The following BABAM2 variants were observed in gnomAD, a reference collection of about 807,000 sequenced individuals.
BABAM2 encodes the protein BRISC and BRCA1 A complex member 2.
A neutral mutation model predicts 54.7 loss-of-function variants in BABAM2; 31 were observed. The ratio of observed to expected loss-of-function variants is 0.57; its 90% CI spans 0.43 to 0.77. The LOEUF is 0.77. Among genes scored for constraint, BABAM2 ranks in the 30% least tolerant of loss-of-function variants. The probability of loss-of-function intolerance (pLI) is 0.00; values close to 1 mark genes in which losing one functional copy is unlikely to be tolerated. For missense variants in BABAM2, 364 were observed against 455.8 expected (o/e 0.80, Z 1.83); for synonymous variants, 167 against 162.9 (o/e 1.03, Z -0.19).
At chr2:28,163,871 C>T (rs909897338) in intron 7 of BABAM2, among the ~76,000 whole-genome samples, 1 of 152,218 alleles carries the variant, frequency 6.6e-6, no homozygotes, top group Non-Finnish European at 1.5e-5. Context: ...GTGTTTTCCT[C>T]AGGGCACTGC....
intron 6 of BABAM2, among the ~76,000 whole-genome samples, chr2:28,069,570 C>T (rs777582627): frequency 2.0e-5 from 3 of 152,156 alleles, no homozygotes; most frequent in Non-Finnish European, 4.4e-5. Flanking sequence ...GCCCTGCTAC[C>T]ATGAGAATTG....
intron 3 of BABAM2, among the ~76,000 whole-genome samples, chr2:27,938,607 G>C (rs1668654294): frequency 6.6e-6 from 1 of 151,876 alleles, no homozygotes. Flanking sequence ...GGCCAGGCTG[G>C]TCTCGAACTC....
At chr2:28,252,478 C>A (rs1683592933) in intron 10 of BABAM2, among the ~76,000 whole-genome samples, 1 of 152,142 alleles carries the variant, frequency 6.6e-6, no homozygotes, top group Non-Finnish European at 1.5e-5. Flanking sequence ...CACCCTTCGC[C>A]CGGTTTACAG....
chr2:28,264,595 C>T (rs533954484), intron 10 of BABAM2, among the ~76,000 whole-genome samples: 1 of 152,328 alleles, frequency 6.6e-6, no homozygotes, highest in East Asian at 1.9e-4. Flanking sequence ...ACCGTCAGTT[C>T]ATACTGTTCC....
intron 7 of BABAM2, among the ~76,000 whole-genome samples, chr2:28,173,150 G>A (rs2147856210): frequency 6.6e-6 from 1 of 152,248 alleles, no homozygotes; most frequent in East Asian, 1.9e-4. Context: ...CTGAGGATTA[G>A]GATTTTAACA....
At chr2:28,215,398 T>C (rs980517588) in intron 7 of BABAM2, among the ~76,000 whole-genome samples, 1 of 152,200 alleles carries the variant, frequency 6.6e-6, no homozygotes, top group East Asian at 1.9e-4. Context: ...TTCATACTTA[T>C]GGGCATTTAA....
At chr2:28,152,250 C>A (rs1672123532) in intron 7 of BABAM2, among the ~76,000 whole-genome samples, 1 of 152,204 alleles carries the variant, frequency 6.6e-6, no homozygotes, top group African/African-American at 2.4e-5. Context: ...TTGACCACAG[C>A]CCCTCTGCCC....
chr2:28,057,375 C>G (rs137996745), intron 6 of BABAM2, among the ~76,000 whole-genome samples: 1 of 152,150 alleles, frequency 6.6e-6, no homozygotes, highest in East Asian at 1.9e-4. Flanking sequence ...GCCCTATTTT[C>G]TTCAGTCCGT....
At chr2:28,171,086 A>C (rs1674268044) in intron 7 of BABAM2, among the ~76,000 whole-genome samples, 1 of 149,990 alleles carries the variant, frequency 6.7e-6, no homozygotes. Context: ...CATGCTGTAC[A>C]TACTACGTTG....
rs138951058 is a variant in BABAM2, at chr2:28,320,057, G to A, written c.1089-18393G>A. On this transcript the variant is annotated intron_variant, in intron 11 of 11. Coordinates refer to ENST00000379624, the MANE Select transcript of BABAM2 (RefSeq NM_199191.3). Reference sequence around the variant, plus strand: ...GTGCTGCAGTGTTGTGGTCAGATCCGATTTCCACCACTCAATTCATGCTGG... The same window carrying A: ...GTGCTGCAGTGTTGTGGTCAGATCCAATTTCCACCACTCAATTCATGCTGG... Among the ~76,000 whole-genome samples the A allele has an allele frequency of 6.0e-4, 91 of 152,254 alleles. 1 individual carries two copies. The highest frequency in any genetic ancestry group is 1.9e-3 in the African/African-American group (78 of 41,552).
intron 4 of BABAM2, among the ~76,000 whole-genome samples, chr2:27,988,970 T>G (rs1440959110): frequency 1.3e-5 from 2 of 152,172 alleles, no homozygotes; most frequent in Non-Finnish European, 2.9e-5. Flanking sequence ...GCTTCCACCC[T>G]TTAAAGGTAT....
intron 2 of BABAM2, among the ~76,000 whole-genome samples, chr2:27,904,937 G>A (rs549748495): frequency 6.6e-6 from 1 of 152,266 alleles, no homozygotes; most frequent in East Asian, 1.9e-4. Flanking sequence ...ATAGCTATAT[G>A]GCAGACCTAG....
chr2:27,984,420 C>G (rs1327945633), intron 3 of BABAM2, among the ~76,000 whole-genome samples: 2 of 151,970 alleles, frequency 1.3e-5, no homozygotes, highest in Non-Finnish European at 2.9e-5. Flanking sequence ...TGAGTTAATG[C>G]CTTATAGTTA....
chr2:28,139,340 A>T (rs7597604), intron 7 of BABAM2, among the ~76,000 whole-genome samples: 1 of 129,496 alleles, frequency 7.7e-6, no homozygotes, highest in Non-Finnish European at 1.7e-5. Flanking sequence ...AAAAAAAAAA[A>T]AAAAAGAAAA....
chr2:28,105,889 A>G (rs1667480435), intron 6 of BABAM2, among the ~76,000 whole-genome samples: 1 of 152,028 alleles, frequency 6.6e-6, no homozygotes, highest in Admixed American at 6.6e-5. Context: ...ATGTACCATA[A>G]AACTTGAAAG....
rs1558346646 is a variant in BABAM2, at chr2:28,112,143, T to C, written c.571-17128T>C. The stretch of plus-strand genomic sequence containing the variant: ...TTTCTTTCTTTCTTTCTTTCTTTCT[T>C]TCTTTACCTCCCTCCCTCCCTCCCT... On this transcript the variant is annotated intron_variant, in intron 6 of 11. Coordinates refer to ENST00000379624, the MANE Select transcript of BABAM2 (RefSeq NM_199191.3). Among the ~76,000 whole-genome samples, 73 of 12,538 alleles carry C rather than the reference T, an allele frequency of 5.8e-3. 4 individuals carry two copies. Among genetic ancestry groups the C allele is most frequent in the South Asian group, 0.022 (4 of 180 alleles). The allele number at this position is 12,538 out of a possible 152,430, so 8.2% of individuals were successfully genotyped here.
chr2:27,915,300 A>G (rs1374473925), intron 2 of BABAM2, among the ~76,000 whole-genome samples: 5 of 152,210 alleles, frequency 3.3e-5, no homozygotes, highest in Admixed American at 1.3e-4. Flanking sequence ...TTGGTTTTGC[A>G]ATTTGTACTT....
At chr2:28,066,911 G>A (rs1663641523) in intron 6 of BABAM2, among the ~76,000 whole-genome samples, 3 of 152,154 alleles carry the variant, frequency 2.0e-5, no homozygotes, top group Admixed American at 6.5e-5. Context: ...TAGGAATATC[G>A]AAGAGTTTGT....
intron 4 of BABAM2, among the ~76,000 whole-genome samples, chr2:28,003,633 A>G (rs902003673): frequency 6.6e-6 from 1 of 152,156 alleles, no homozygotes; most frequent in Non-Finnish European, 1.5e-5. Context: ...TTATAGCCAG[A>G]GTCGAGAACT....
Sources: gnomAD v4.1 joint callset for allele counts (sites outside exome capture counted in the v4.1 genomes callset) on GRCh38, gnomAD v4.1.1 for gene constraint, MANE v1.5 for transcripts, NCBI Gene and HGNC (gene_info 2026-07-23, HGNC 2026-07-21) for gene names.